The following NALF1 variants were observed in gnomAD, a reference collection of about 807,000 sequenced individuals.
NALF1 encodes NALCN channel auxiliary factor 1, also known as family with sequence similarity 155 member A.
NALF1 carries 3 observed loss-of-function variants against 48.4 expected under a neutral mutation model. The ratio of observed to expected loss-of-function variants is 0.06; its 90% CI spans 0.03 to 0.16. NALF1 has a LOEUF of 0.16. Ranked by LOEUF, NALF1 falls within the 10% of genes least tolerant of loss-of-function variation. NALF1 has a pLI of 1.00. For missense variants in NALF1, 526 were observed against 571.5 expected (o/e 0.92, Z 0.81); for synonymous variants, 262 against 245.7 (o/e 1.07, Z -0.62).
intron 1 of NALF1, among the ~76,000 whole-genome samples, chr13:107,718,437 C>G (rs1345429882): frequency 1.3e-5 from 2 of 152,200 alleles, no homozygotes; most frequent in Non-Finnish European, 2.9e-5. Flanking sequence ...GTGGCTACCA[C>G]ACCTATGATT....
chr13:107,427,572 A>T (rs1884301877), intron 1 of NALF1, among the ~76,000 whole-genome samples: 1 of 152,204 alleles, frequency 6.6e-6, no homozygotes, highest in Admixed American at 6.5e-5. Context: ...ATGGGAAGAA[A>T]AAAAGAAATT....
chr13:107,650,394 T>TTAAAAAAAAAAAA (rs759265883), intron 1 of NALF1, among the ~76,000 whole-genome samples: 1 of 107,650 alleles, frequency 9.3e-6, no homozygotes, highest in African/African-American at 3.2e-5. Flanking sequence ...CTGCAACCAT[T>TTAAAAAAAAAAAA]AAAAAAAAAA....
chr13:107,514,513 G>A (rs1463154252), intron 1 of NALF1, among the ~76,000 whole-genome samples: 2 of 151,930 alleles, frequency 1.3e-5, no homozygotes, highest in South Asian at 2.1e-4. Context: ...ACCTTTGAAT[G>A]GGCCCAGGTT....
At position 107,865,996 on chromosome 13, in the gene NALF1, C is replaced by A; in HGVS notation, c.601G>T (p.Gly201Trp). ...CTCCTCACCTCCTGCCCGTCCCCCC[C>A]GGCCGCCCCCCGACTCCAGTTCCTG... ...CARNWSRGAA[G>W]GDGQEVRSKH... The change falls in exon 1 of 3, where the codon GGG (glycine) becomes TGG (tryptophan). Residue 201 changes from glycine to tryptophan, a missense_variant. Physicochemically the swap from Gly to Trp is radical, Grantham distance 184 (BLOSUM62 -2). Around this residue, in one of 2 missense-constraint regions of NALF1, gnomAD observed 373 missense variants for 355.5 expected, o/e 1.05. Coordinates refer to ENST00000375915, the MANE Select transcript of NALF1 (RefSeq NM_001080396.3). 1 of 1,612,314 alleles carries A rather than the reference C, an allele frequency of 6.2e-7. No individual in the cohort carries two copies. Among genetic ancestry groups the A allele is most frequent in the Non-Finnish European group, 8.5e-7 (1 of 1,179,924 alleles).
At chr13:107,845,120 T>A (rs1161514399) in intron 1 of NALF1, among the ~76,000 whole-genome samples, 1 of 152,200 alleles carries the variant, frequency 6.6e-6, no homozygotes, top group Admixed American at 6.5e-5. Flanking sequence ...ATATGGTGAT[T>A]TCATTTATGG....
At chr13:107,612,872 A>G (rs1046832773) in intron 1 of NALF1, among the ~76,000 whole-genome samples, 3 of 152,042 alleles carry the variant, frequency 2.0e-5, no homozygotes, top group Admixed American at 2.0e-4. Flanking sequence ...TAGGATAACT[A>G]TTTGTCTATC....
intron 1 of NALF1, among the ~76,000 whole-genome samples, chr13:107,746,870 C>T (rs1282286445): frequency 2.0e-5 from 3 of 152,126 alleles, no homozygotes; most frequent in Non-Finnish European, 1.5e-5. Flanking sequence ...GGGTCTGTAT[C>T]TCACTTCATA....
chr13:107,242,189 C>T (rs963345835), intron 1 of NALF1, among the ~76,000 whole-genome samples: 3 of 152,172 alleles, frequency 2.0e-5, no homozygotes. Context: ...AGAGGGTCTT[C>T]GACAATCCTT....
At chr13:107,697,053 TA>T (rs749644048) in intron 1 of NALF1, among the ~76,000 whole-genome samples, 28 of 151,954 alleles carry the variant, frequency 1.8e-4, no homozygotes, top group African/African-American at 3.4e-4. Flanking sequence ...TTACAAGGCA[TA>T]AAAAAAACAA....
chr13:107,346,038 G>A lies in NALF1; in HGVS notation c.916-135283C>T, dbSNP rs1346584023. On this transcript the variant is annotated intron_variant, in intron 1 of 2. Coordinates refer to ENST00000375915, the MANE Select transcript of NALF1 (RefSeq NM_001080396.3). ...CAACATCACTAATCACCATGGAAAT[G>A]CAAGTCAAAACCACAATGAGCTATC... Among the ~76,000 whole-genome samples the A allele has an allele frequency of 2.6e-5, 4 of 152,134 alleles. No homozygotes were observed. In the South Asian group the frequency reaches 8.3e-4, roughly 32 times the overall value.
chr13:107,197,428 T>C lies in NALF1; in HGVS notation c.1087+13156A>G, dbSNP rs570354022. Reference sequence around the variant, plus strand: ...AAGTCAGATGTGCTGGCTTTTCCTGTGGGCTTTCCTGTGAACTTGGGAAAG... The same window carrying C: ...AAGTCAGATGTGCTGGCTTTTCCTGCGGGCTTTCCTGTGAACTTGGGAAAG... On this transcript the variant is annotated intron_variant, in intron 2 of 2. Coordinates refer to ENST00000375915, the MANE Select transcript of NALF1 (RefSeq NM_001080396.3). Among the ~76,000 whole-genome samples the C allele has an allele frequency of 3.9e-5, 6 of 152,334 alleles. No homozygotes were observed. The South Asian group carries it at 1.0e-3, about 26-fold the overall frequency.
At position 107,166,280 on chromosome 13, in the gene NALF1, G is replaced by A. The variant is rs141571318; in HGVS notation, c.*4217C>T. The A allele has an allele frequency of 0.013, 2,053 of 152,236 alleles. 28 individuals are homozygous for A. The highest frequency in any genetic ancestry group is 0.02 in the Non-Finnish European group (1,328 of 68,052). The allele number at this position is 152,236 out of a possible 1,614,324, so 9.4% of individuals were successfully genotyped here. On this transcript the variant is annotated 3_prime_UTR_variant, in exon 3 of 3. Coordinates refer to ENST00000375915, the MANE Select transcript of NALF1 (RefSeq NM_001080396.3). ...CTAAAAATACACAAATTAGCCAGGC[G>A]TGGTGGCACAAGCCTGTAGTCCCAG...
At chr13:107,557,630 G>T (rs909094101) in intron 1 of NALF1, among the ~76,000 whole-genome samples, 22 of 152,032 alleles carry the variant, frequency 1.4e-4, no homozygotes, top group African/African-American at 5.1e-4. Context: ...GGATTATTTT[G>T]GTTTCTCAGA....
intron 1 of NALF1, among the ~76,000 whole-genome samples, chr13:107,726,590 T>C (rs1329096878): frequency 2.0e-5 from 3 of 150,120 alleles, no homozygotes; most frequent in Non-Finnish European, 2.9e-5. Context: ...CTGGATCTTA[T>C]GCTATGTAAA....
intron 1 of NALF1, among the ~76,000 whole-genome samples, chr13:107,394,764 G>T (rs944928626): frequency 1.3e-5 from 2 of 152,114 alleles, no homozygotes; most frequent in Non-Finnish European, 2.9e-5. Context: ...GGACAATTGG[G>T]CATTGTCAAG....
At chr13:107,854,815 A>G (rs1880402451) in intron 1 of NALF1, among the ~76,000 whole-genome samples, 2 of 150,200 alleles carry the variant, frequency 1.3e-5, no homozygotes, top group Non-Finnish European at 1.5e-5. Flanking sequence ...CGGCGGTTGC[A>G]GTGAGCCAAG....
chr13:107,433,277 G>A (rs1884412214), intron 1 of NALF1, among the ~76,000 whole-genome samples: 1 of 152,166 alleles, frequency 6.6e-6, no homozygotes. Context: ...TGCTGGAAGA[G>A]AGACCAGTTG....
chr13:107,306,985 C>CAAAAA, intron 1 of NALF1, among the ~76,000 whole-genome samples: 1 of 152,230 alleles, frequency 6.6e-6, no homozygotes, highest in South Asian at 2.1e-4. Context: ...CAAAACAAAA[C>CAAAAA]AAAAACCCCA....
At chr13:107,566,838 GGA>G (rs1877823954) in intron 1 of NALF1, among the ~76,000 whole-genome samples, 2 of 152,142 alleles carry the variant, frequency 1.3e-5, no homozygotes, top group South Asian at 4.1e-4. Flanking sequence ...TTTTAAGGCT[GGA>G]GAACCCCGAG....
Sources: allele counts gnomAD v4.1 joint callset (sites outside exome capture counted in the v4.1 genomes callset), GRCh38; gene constraint gnomAD v4.1.1; regional missense constraint gnomAD v4.1.1; transcripts MANE v1.5; gene names NCBI Gene and HGNC (gene_info 2026-07-23, HGNC 2026-07-21).